The following SNX29 variants were observed in gnomAD, a reference collection of about 807,000 sequenced individuals.
The protein encoded by SNX29 is sorting nexin 29, also known as sorting nexin-29.
SNX29 carries 78 observed loss-of-function variants against 102.1 expected under a neutral mutation model. The ratio of observed to expected loss-of-function variants is 0.76; its 90% confidence interval spans 0.64 to 0.92. SNX29 has a LOEUF of 0.92. Among genes scored for constraint, SNX29 ranks in the 40% least tolerant of loss-of-function variants. SNX29 has a pLI of 0.00. For synonymous variants in SNX29, 580 were observed against 414.5 expected (o/e 1.40, Z -4.85); for missense variants, 1,280 against 1,061.7 (o/e 1.21, Z -2.86).
At chr16:12,560,097 A>G (rs2078633566) in intron 20 of SNX29, among the ~76,000 whole-genome samples, 1 of 152,012 alleles carries the variant, frequency 6.6e-6, no homozygotes, top group South Asian at 2.1e-4. Context: ...TTATCCACAA[A>G]GGATGAGTTG....
intron 16 of SNX29, among the ~76,000 whole-genome samples, chr16:12,389,279 C>T (rs979645189): frequency 3.8e-4 from 58 of 152,232 alleles, no homozygotes; most frequent in Middle Eastern, 3.4e-3. Flanking sequence ...GGCTGTGTCC[C>T]CACCCAAATT....
chr16:12,366,461 C>T (rs2151357591), intron 16 of SNX29, among the ~76,000 whole-genome samples: 1 of 152,306 alleles, frequency 6.6e-6, no homozygotes, highest in Admixed American at 6.5e-5. Flanking sequence ...CTCATCAGAG[C>T]CTGCCTTATC....
chr16:12,382,821 G>C (rs2083219728), intron 16 of SNX29, among the ~76,000 whole-genome samples: 1 of 151,974 alleles, frequency 6.6e-6, no homozygotes, highest in African/African-American at 2.4e-5. Flanking sequence ...CTCTGCCTTT[G>C]TCTTTACTTG....
intron 18 of SNX29, among the ~76,000 whole-genome samples, chr16:12,418,260 A>G (rs2084724646): frequency 6.6e-6 from 1 of 152,072 alleles, no homozygotes. Context: ...TTGCCGCAAA[A>G]CCGTTTGCTA....
At chr16:11,986,345 C>A (rs1347511125) in intron 1 of SNX29, among the ~76,000 whole-genome samples, 3 of 139,776 alleles carry the variant, frequency 2.1e-5, no homozygotes, top group Non-Finnish European at 4.5e-5. Flanking sequence ...ATCTGTGTTT[C>A]TTGGAATCTG....
rs2084040285 is a variant in SNX29 at position 12,403,432 on chromosome 16, T to C, written c.1956-16T>C. ...AAAATGTCTAATGTTGGTCTCTCTC[T>C]CTTCCTTTTGGTTAGATCAAACCGG... On this transcript the variant is annotated splice_polypyrimidine_tract_variant and intron_variant, in intron 17 of 20. Coordinates refer to ENST00000566228, the MANE Select transcript of SNX29 (RefSeq NM_032167.5). 3 of 1,596,664 alleles carry C rather than the reference T, an allele frequency of 1.9e-6. No homozygotes were observed. Among genetic ancestry groups the C allele is most frequent in the South Asian group, 1.1e-5 (1 of 87,932 alleles).
intron 18 of SNX29, among the ~76,000 whole-genome samples, chr16:12,444,489 C>G (rs571046776): frequency 4.6e-5 from 7 of 152,252 alleles, no homozygotes; most frequent in African/African-American, 1.7e-4. Context: ...TACTCAAGTA[C>G]TGGCCCCAGA....
chr16:12,253,610 G>A (rs113327347), intron 14 of SNX29, among the ~76,000 whole-genome samples: 3,198 of 152,222 alleles, frequency 0.021, 75 homozygotes, highest in African/African-American at 0.053. Context: ...GTGGCGGTGT[G>A]CCTGTTGCGT....
chr16:12,028,634 G>A (rs1360393454), intron 4 of SNX29, among the ~76,000 whole-genome samples: 1 of 151,774 alleles, frequency 6.6e-6, no homozygotes, highest in Non-Finnish European at 1.5e-5. Context: ...AACTAGCTGG[G>A]ATTACAAATG....
rs12929190 is a variant in SNX29, at chr16:12,214,338, T to A, written c.1678+14655T>A. Among the ~76,000 whole-genome samples, 739 of 152,352 alleles carry A rather than the reference T, an allele frequency of 4.9e-3. 6 individuals are homozygous for A. The highest frequency in any genetic ancestry group is 0.022 in the South Asian group (105 of 4,828). On this transcript the variant is annotated intron_variant, in intron 14 of 20. Transcript: ENST00000566228. ...TTTATTGTTGTCGTCATTAACTTTT[T>A]GGGGCTGTCTCAGCATTGTGTTTAT...
chr16:12,093,880 G>C (rs1420042308), intron 11 of SNX29: 1 of 152,196 alleles, frequency 6.6e-6, no homozygotes, highest in African/African-American at 2.4e-5. Context: ...CTCTCCTTCA[G>C]AGTGTTCCAG....
At chr16:11,990,449 C>T (rs1405071631) in intron 1 of SNX29, among the ~76,000 whole-genome samples, 1 of 152,122 alleles carries the variant, frequency 6.6e-6, no homozygotes, top group Non-Finnish European at 1.5e-5. Context: ...TTGGGCACTG[C>T]GGGGGTCCCT....
intron 15 of SNX29, among the ~76,000 whole-genome samples, chr16:12,298,912 C>T (rs2080068967): frequency 6.6e-6 from 1 of 151,780 alleles, no homozygotes; most frequent in Non-Finnish European, 1.5e-5. Context: ...GCCAGAGGAA[C>T]CAAGGCTTTG....
intron 9 of SNX29, among the ~76,000 whole-genome samples, chr16:12,063,912 G>A (rs1244591150): frequency 6.6e-6 from 1 of 152,084 alleles, no homozygotes; most frequent in Non-Finnish European, 1.5e-5. Flanking sequence ...TGGTGACCTT[G>A]CTGATGCCTG....
chr16:12,071,155 C>A (rs943870633), intron 10 of SNX29, among the ~76,000 whole-genome samples: 6 of 151,126 alleles, frequency 4.0e-5, no homozygotes, highest in African/African-American at 1.2e-4. Context: ...TTTTGCTGTG[C>A]AGAAGCTCTT....
At position 12,564,226 on chromosome 16, in the gene SNX29, A is replaced by AAG. The variant is rs373599544; in HGVS notation, c.2319-4276_2319-4275dup. Among the ~76,000 whole-genome samples, 772 of 152,144 alleles carry AAG rather than the reference A, an allele frequency of 5.1e-3. 3 individuals are homozygous for AAG. Among genetic ancestry groups the AAG allele is most frequent in the African/African-American group, 0.017 (698 of 41,496 alleles). On this transcript the variant is annotated intron_variant, in intron 20 of 20. Transcript: ENST00000566228. The stretch of plus-strand genomic sequence containing the variant: ...ACCATAGGGAGACCCCCACATCTCT[A>AAG]AGAGAAAAAAATCTCTACTCAGTTC...
At chr16:12,139,980 C>CAAAAAAAAA (rs59169166) in intron 13 of SNX29, among the ~76,000 whole-genome samples, 1 of 88,546 alleles carries the variant, frequency 1.1e-5, no homozygotes, top group Non-Finnish European at 2.2e-5. Context: ...TACCCTGTCT[C>CAAAAAAAAA]AAAAAAAAAA....
intron 11 of SNX29, among the ~76,000 whole-genome samples, chr16:12,094,453 C>A (rs1433447591): frequency 3.9e-5 from 6 of 152,156 alleles, no homozygotes; most frequent in Admixed American, 3.9e-4. Context: ...TTACTGAAAC[C>A]ATCCCTCCTG....
At chr16:12,409,876 C>T (rs2084323800) in intron 18 of SNX29, among the ~76,000 whole-genome samples, 1 of 152,196 alleles carries the variant, frequency 6.6e-6, no homozygotes, top group Non-Finnish European at 1.5e-5. Flanking sequence ...TCAGCCTTTG[C>T]GTCTAGCGAC....
Sources: allele counts gnomAD v4.1 joint callset (sites outside exome capture counted in the v4.1 genomes callset), GRCh38; gene constraint gnomAD v4.1.1; transcripts MANE v1.5; gene names NCBI Gene and HGNC (gene_info 2026-07-23, HGNC 2026-07-21).